FAM133A: variants seen among roughly 807,000 people sequenced by gnomAD.
FAM133A encodes the protein family with sequence similarity 133 member A.
For missense variants in FAM133A, 159 were observed against 164.4 expected (o/e 0.97, Z 0.18); for synonymous variants, 65 against 58.6 (o/e 1.11, Z -0.50).
In FAM133A at chrX:93,711,073, T is replaced by C. The variant is rs941693200; in HGVS notation, c.*907T>C. The C allele has an allele frequency of 7.3e-5, 9 of 123,246 alleles. No individual in the cohort carries two copies. Among genetic ancestry groups the C allele is most frequent in the African/African-American group, 2.6e-4 (8 of 30,825 alleles). 10.2% of individuals were successfully genotyped at this position (123,246 alleles called of 1,213,427 possible). A position where few individuals can be genotyped will look rare whatever the true frequency, so the allele number is the denominator to read the frequency against. On this transcript the variant is annotated 3_prime_UTR_variant, in exon 4 of 4. Transcript: ENST00000683942. ...TAACTGATGATCCTTTTTTAAGATA[T>C]GATTTATGCTTAGGATATAAGTTTC...
At chrX:93,673,871 G>A (rs763571927), upstream of FAM133A, 2 of 106,978 alleles carry the variant, frequency 1.9e-5, no homozygotes, top group South Asian at 8.5e-4. Flanking sequence ...GCGTAGACAT[G>A]AGGTAAAAAT....
chrX:93,677,585 A>G (rs1481483135), intron 2 of FAM133A, among the ~76,000 whole-genome samples: 6 of 111,738 alleles, frequency 5.4e-5, no homozygotes, highest in Non-Finnish European at 1.1e-4. Flanking sequence ...TATGCCTTTG[A>G]ATCCCTCCTC....
intron 3 of FAM133A, among the ~76,000 whole-genome samples, chrX:93,704,077 G>T (rs886735170): frequency 9.0e-6 from 1 of 111,311 alleles, no homozygotes; most frequent in Non-Finnish European, 1.9e-5. Context: ...TTCATGCTTG[G>T]CTTTTATTTA....
intron 2 of FAM133A, among the ~76,000 whole-genome samples, chrX:93,692,192 C>T (rs2147620067): frequency 9.0e-6 from 1 of 111,665 alleles, no homozygotes; most frequent in Admixed American, 9.5e-5. Flanking sequence ...CAAAATGCTC[C>T]AATGAATATT....
chrX:93,701,456 A>G (rs1290959143), intron 3 of FAM133A, among the ~76,000 whole-genome samples: 1 of 111,604 alleles, frequency 9.0e-6, no homozygotes, highest in Non-Finnish European at 1.9e-5. Flanking sequence ...GTATTTTTAT[A>G]TAAGTAGTCA....
At position 93,686,107 on chromosome X, in the gene FAM133A, CAAAAAAA is replaced by C. The variant is rs762274763; in HGVS notation, c.-193+11375_-193+11381del. 8.8e-4 allele frequency among the ~76,000 whole-genome samples: 33 copies of C among 37,499 alleles called. 1 individual carries two copies. The highest frequency in any genetic ancestry group is 3.7e-3 in the African/African-American group (30 of 8,034). The allele number at this position is 37,499 out of a possible 115,157, so 32.6% of individuals were successfully genotyped here. A position where few individuals can be genotyped will look rare whatever the true frequency, so the allele number is the denominator to read the frequency against. On this transcript the variant is annotated intron_variant, in intron 2 of 3. Transcript: ENST00000683942. ...AGGGTGACAGAGTGAGACTCCATCT[CAAAAAAA>C]AAAAAAAAAAAAAAAAAAATTAACC...
chrX:93,702,239 C>T (rs998719205), intron 3 of FAM133A, among the ~76,000 whole-genome samples: 5 of 110,772 alleles, frequency 4.5e-5, no homozygotes, highest in African/African-American at 9.9e-5. Flanking sequence ...AAAAGGAACC[C>T]GGGCTCTGTA....
chrX:93,700,627 T>C (rs2147648771), intron 3 of FAM133A, among the ~76,000 whole-genome samples: 1 of 111,686 alleles, frequency 9.0e-6, no homozygotes, highest in East Asian at 2.8e-4. Flanking sequence ...TTCTGACCAT[T>C]ACGTGCTATT....
intron 3 of FAM133A, among the ~76,000 whole-genome samples, chrX:93,706,202 C>T (rs899848691): frequency 2.7e-5 from 3 of 112,225 alleles, no homozygotes; most frequent in Non-Finnish European, 5.6e-5. Flanking sequence ...AAGGATAATA[C>T]TTGTTTTTTG....
chrX:93,712,207 G>C lies in FAM133A; in HGVS notation c.*2041G>C, dbSNP rs1927487088. On this transcript the variant is annotated 3_prime_UTR_variant, in exon 4 of 4. Transcript: ENST00000683942. Reference sequence around the variant, plus strand: ...GCTGTTTAGAAGGGACCTGACTGGAGTGCTGATGGACTTGCAGTAAACTTT... The same window carrying C: ...GCTGTTTAGAAGGGACCTGACTGGACTGCTGATGGACTTGCAGTAAACTTT... 8.1e-6 allele frequency: 1 copy of C among 123,459 alleles called. No homozygotes were observed. The highest frequency in any genetic ancestry group is 1.9e-5 in the Non-Finnish European group (1 of 53,321). The allele number at this position is 123,459 out of a possible 1,213,427, so 10.2% of individuals were successfully genotyped here. A position where few individuals can be genotyped will look rare whatever the true frequency, so the allele number is the denominator to read the frequency against.
At chrX:93,709,134 T>A in intron 3 of FAM133A, among the ~76,000 whole-genome samples, 183 bp from the exon 4 acceptor site, 1 of 112,015 alleles carries the variant, frequency 8.9e-6, no homozygotes, top group Non-Finnish European at 1.9e-5. Context: ...TTATATTATG[T>A]TTATACCACA....
At chrX:93,695,906 A>G (rs1198538096) in intron 2 of FAM133A, among the ~76,000 whole-genome samples, 1 of 110,253 alleles carries the variant, frequency 9.1e-6, no homozygotes, top group East Asian at 2.9e-4. Context: ...AGCCTCCCAA[A>G]GTGCTGGGAT....
intron 3 of FAM133A, among the ~76,000 whole-genome samples, chrX:93,699,190 T>C (rs977805934): frequency 1.8e-4 from 20 of 111,459 alleles, no homozygotes; most frequent in African/African-American, 6.2e-4. Flanking sequence ...TTGGAGTTCA[T>C]AGATTTAGTT....
chrX:93,678,208 A>G (rs1284101351), intron 2 of FAM133A, among the ~76,000 whole-genome samples: 2 of 111,756 alleles, frequency 1.8e-5, no homozygotes, highest in Non-Finnish European at 3.8e-5. Context: ...TCCATTTAAA[A>G]AAATAGGATT....
intron 2 of FAM133A, among the ~76,000 whole-genome samples, chrX:93,680,906 T>G (rs1287885398): frequency 8.9e-6 from 1 of 112,055 alleles, no homozygotes; most frequent in Non-Finnish European, 1.9e-5. Flanking sequence ...TTTACTCATT[T>G]ACTTCCTTTA....
chrX:93,677,002 A>G (rs1337690802), intron 2 of FAM133A, among the ~76,000 whole-genome samples: 2 of 109,405 alleles, frequency 1.8e-5, no homozygotes, highest in Admixed American at 9.9e-5. Flanking sequence ...CTTTTTCTTC[A>G]TAATCAATTT....
intron 3 of FAM133A, among the ~76,000 whole-genome samples, chrX:93,708,724 T>G (rs1347131989): frequency 1.8e-5 from 2 of 112,058 alleles, no homozygotes; most frequent in African/African-American, 6.5e-5. Context: ...ACTTACTAGG[T>G]ACTAGAGATT....
At chrX:93,697,357 A>G (rs1013380783) in intron 2 of FAM133A, among the ~76,000 whole-genome samples, 15 of 110,308 alleles carry the variant, frequency 1.4e-4, no homozygotes. Flanking sequence ...CAAGAACCTT[A>G]AAAAGCATTT....
chrX:93,681,676 A>G (rs1422083296), intron 2 of FAM133A, among the ~76,000 whole-genome samples: 1 of 111,832 alleles, frequency 8.9e-6, no homozygotes, highest in Non-Finnish European at 1.9e-5. Context: ...AGAGGCCTAC[A>G]TTCTCTAGAT....
Sources: gnomAD v4.1 joint callset for allele counts (sites outside exome capture counted in the v4.1 genomes callset) on GRCh38, gnomAD v4.1.1 for gene constraint, MANE v1.5 for transcripts, NCBI Gene and HGNC (gene_info 2026-07-23, HGNC 2026-07-21) for gene names.